The following CSMD1 variants were observed in gnomAD, a reference collection of about 807,000 sequenced individuals.
CSMD1 encodes the protein CUB and Sushi multiple domains 1.
CSMD1 carries 213 observed loss-of-function variants against 417.5 expected under a neutral mutation model. That is an observed-to-expected ratio of 0.51 (90% CI 0.46 to 0.57). CSMD1 has a LOEUF of 0.57. Among genes scored for constraint, CSMD1 ranks in the 20% least tolerant of loss-of-function variants. The probability of loss-of-function intolerance (pLI) is 0.00; values close to 1 mark genes in which losing one functional copy is unlikely to be tolerated. For missense variants in CSMD1, 6,923 were observed against 4,529.7 expected (o/e 1.53, Z -15.17); for synonymous variants, 2,862 against 1,736.8 (o/e 1.65, Z -16.11).
intron 26 of CSMD1, among the ~76,000 whole-genome samples, chr8:3,255,574 C>T (rs925820616): frequency 2.0e-5 from 3 of 152,200 alleles, no homozygotes; most frequent in Non-Finnish European, 4.4e-5. Flanking sequence ...ATGGTGGACG[C>T]CCCTCTCCCA....
At chr8:4,931,592 G>A (rs1436278481) in intron 1 of CSMD1, among the ~76,000 whole-genome samples, 3 of 152,094 alleles carry the variant, frequency 2.0e-5, no homozygotes, top group Non-Finnish European at 4.4e-5. Flanking sequence ...CTGGTTTATA[G>A]CTACGTTATA....
At chr8:3,881,812 A>C (rs1016864395) in intron 5 of CSMD1, among the ~76,000 whole-genome samples, 1 of 152,114 alleles carries the variant, frequency 6.6e-6, no homozygotes, top group African/African-American at 2.4e-5. Context: ...CAAAGGGAAG[A>C]ACAGAAGTGA....
At chr8:3,299,680 C>T (rs756178198) in intron 25 of CSMD1, among the ~76,000 whole-genome samples, 34 of 152,008 alleles carry the variant, frequency 2.2e-4, no homozygotes, top group African/African-American at 5.8e-4. Context: ...AGGAGAGAAC[C>T]GGAAATGCAG....
At chr8:3,964,004 G>A (rs535816344) in intron 5 of CSMD1, among the ~76,000 whole-genome samples, 1 of 151,970 alleles carries the variant, frequency 6.6e-6, no homozygotes, top group Non-Finnish European at 1.5e-5. Flanking sequence ...AGCATCCCCA[G>A]AATGCACAAA....
chr8:3,267,279 A>G (rs1801503416), intron 26 of CSMD1, among the ~76,000 whole-genome samples: 1 of 152,220 alleles, frequency 6.6e-6, no homozygotes, highest in Admixed American at 6.5e-5. Context: ...ACCCCCTGAT[A>G]GCTTTGCGTC....
intron 33 of CSMD1, among the ~76,000 whole-genome samples, chr8:3,197,654 C>T (rs55919564): frequency 0.63 from 92,784 of 146,248 alleles, 29,988 homozygotes; most frequent in Non-Finnish European, 0.74. Context: ...TTAGTAGAGA[C>T]GGGGTTTCAC....
At chr8:3,536,129 T>G (rs182780045) in intron 10 of CSMD1, among the ~76,000 whole-genome samples, 1 of 152,198 alleles carries the variant, frequency 6.6e-6, no homozygotes, top group South Asian at 2.1e-4. Context: ...TACCAAGCTG[T>G]GATATCCGGA....
intron 4 of CSMD1, among the ~76,000 whole-genome samples, chr8:4,017,146 C>A (rs145248819): frequency 6.6e-6 from 1 of 152,222 alleles, no homozygotes. Flanking sequence ...TACATATCTA[C>A]CCCTGCAATA....
At chr8:4,678,817 G>C (rs1321399063) in intron 1 of CSMD1, among the ~76,000 whole-genome samples, 2 of 152,170 alleles carry the variant, frequency 1.3e-5, no homozygotes, top group Non-Finnish European at 2.9e-5. Context: ...TGTAGCAAGG[G>C]TGTGGTTTTT....
At chr8:3,666,695 A>G (rs1798712308) in intron 7 of CSMD1, among the ~76,000 whole-genome samples, 2 of 152,136 alleles carry the variant, frequency 1.3e-5, no homozygotes, top group South Asian at 4.1e-4. Context: ...AGTCTCATGC[A>G]ATCTGATGTC....
intron 3 of CSMD1, among the ~76,000 whole-genome samples, chr8:4,070,282 G>A (rs74503292): frequency 6.6e-6 from 1 of 151,866 alleles, no homozygotes; most frequent in South Asian, 2.1e-4. Flanking sequence ...ACATAATGTT[G>A]TTATTTTTAC....
chr8:3,614,797 G>T (rs186575885), intron 8 of CSMD1, among the ~76,000 whole-genome samples: 5 of 152,306 alleles, frequency 3.3e-5, no homozygotes, highest in South Asian at 2.1e-4. Flanking sequence ...AGGATGCAAA[G>T]ATAAGACACT....
intron 7 of CSMD1, among the ~76,000 whole-genome samples, chr8:3,665,392 G>C (rs1202457787): frequency 3.3e-5 from 5 of 152,022 alleles, no homozygotes; most frequent in Non-Finnish European, 7.4e-5. Context: ...AGCCAGGTGT[G>C]GTGGCATGCA....
chr8:4,167,236 A>G (rs978861177), intron 3 of CSMD1, among the ~76,000 whole-genome samples: 2 of 152,180 alleles, frequency 1.3e-5, no homozygotes, highest in African/African-American at 4.8e-5. Flanking sequence ...TTAGGGAAGG[A>G]GTGTCTTCGA....
Position 3,883,937 on chromosome 8 carries a change from C to T in CSMD1, c.818+113966G>A, listed in dbSNP as rs191509517. On this transcript the variant is annotated intron_variant, in intron 5 of 69. Coordinates refer to ENST00000635120, the MANE Select transcript of CSMD1 (RefSeq NM_033225.6). ...GTTAAAATATATGAATATAGGCATA[C>T]GCTTTTAAACATACATAGATATAGA... 3.3e-3 allele frequency among the ~76,000 whole-genome samples: 505 copies of T among 152,110 alleles called. 3 individuals are homozygous for T. Among genetic ancestry groups the T allele is most frequent in the African/African-American group, 0.012 (487 of 41,514 alleles).
intron 26 of CSMD1, chr8:3,278,245 C>T (rs554355291): frequency 2.0e-5 from 3 of 152,176 alleles, no homozygotes; most frequent in Admixed American, 6.5e-5. Flanking sequence ...CATGGAATTA[C>T]AAGATAGAGA....
chr8:4,804,166 G>C (rs1481321724), intron 1 of CSMD1, among the ~76,000 whole-genome samples: 1 of 152,112 alleles, frequency 6.6e-6, no homozygotes, highest in African/African-American at 2.4e-5. Context: ...CTTGTATTCT[G>C]AATGGAACCA....
At chr8:3,145,831 G>A (rs1364025361) in intron 40 of CSMD1, among the ~76,000 whole-genome samples, 2 of 152,154 alleles carry the variant, frequency 1.3e-5, no homozygotes, top group East Asian at 1.9e-4. Context: ...TACCTTTGGT[G>A]GAACTTACCC....
At chr8:4,477,438 G>C (rs1014719098) in intron 2 of CSMD1, among the ~76,000 whole-genome samples, 1 of 152,226 alleles carries the variant, frequency 6.6e-6, no homozygotes. Flanking sequence ...CTCAGAAACT[G>C]AGTCTGGTAA....
Sources: allele counts gnomAD v4.1 joint callset (sites outside exome capture counted in the v4.1 genomes callset), GRCh38; gene constraint gnomAD v4.1.1; transcripts MANE v1.5; gene names NCBI Gene and HGNC (gene_info 2026-07-23, HGNC 2026-07-21).